The following ZDBF2 variants were observed in gnomAD, a reference collection of about 807,000 sequenced individuals.
ZDBF2 encodes the protein DBF4-type zinc finger-containing protein 2.
A neutral mutation model predicts 9.4 loss-of-function variants in ZDBF2; 6 were observed. The observed-to-expected ratio is 0.64, with a 90% CI of 0.35 to 1.27. The LOEUF (loss-of-function observed/expected upper bound fraction) is 1.27, where lower values mean the gene tolerates loss of function less well. Among genes scored for constraint, ZDBF2 ranks in the 50% most tolerant of loss-of-function variants. The pLI is 0.03. For synonymous variants in ZDBF2, 905 were observed against 946.3 expected (o/e 0.96, Z 0.80); for missense variants, 2,697 against 2,766.8 (o/e 0.97, Z 0.57).
intron 2 of ZDBF2, among the ~76,000 whole-genome samples, chr2:206,281,431 G>A (rs970045539): frequency 1.3e-5 from 2 of 152,158 alleles, no homozygotes; most frequent in African/African-American, 4.8e-5. Flanking sequence ...GAAACATGAT[G>A]GGGAAATTAA....
rs1172134275 is a variant in ZDBF2, at chr2:206,304,819, T to A, written c.291T>A (p.Val97=). The A allele has an allele frequency of 1.2e-6, 2 of 1,613,602 alleles. No individual in the cohort carries two copies. The highest frequency in any genetic ancestry group is 4.5e-5 in the East Asian group (2 of 44,870). ...SEEEEEDEDK[V]EDEDATEERP... ...AAGAGGAAGAGGATGAGGATAAGGT[T>A]GAGGATGAGGATGCTACCGAAGAGA... The change falls in exon 5 of 5, where the codon GTT becomes GTA. Residue 97 remains valine (V), a synonymous_variant. Coordinates refer to ENST00000374423, the MANE Select transcript of ZDBF2 (RefSeq NM_020923.3).
rs976123880 is a variant in ZDBF2 at position 206,313,926 on chromosome 2, A to G, written c.*2333A>G. 1 of 152,164 alleles carries G rather than the reference A, an allele frequency of 6.6e-6. No individual in the cohort carries two copies. The highest frequency in any genetic ancestry group is 2.4e-5 in the African/African-American group (1 of 41,450). The allele number at this position is 152,164 out of a possible 1,614,324, so 9.4% of individuals were successfully genotyped here. On this transcript the variant is annotated 3_prime_UTR_variant, in exon 5 of 5. Coordinates refer to ENST00000374423, the MANE Select transcript of ZDBF2 (RefSeq NM_020923.3). ...TTTTAGACAAGCTTGAAAACTTGAA[A>G]TTGTTGAAACTTATAATTTAAATTA...
At position 206,312,588 on chromosome 2, in the gene ZDBF2, T is replaced by A. The variant is rs1693248901; in HGVS notation, c.*995T>A. 6.6e-6 allele frequency: 1 copy of A among 152,036 alleles called. No individual in the cohort carries two copies. Among genetic ancestry groups the A allele is most frequent in the South Asian group, 2.1e-4 (1 of 4,810 alleles). The allele number at this position is 152,036 out of a possible 1,614,324, so 9.4% of individuals were successfully genotyped here. On this transcript the variant is annotated 3_prime_UTR_variant, in exon 5 of 5. Coordinates refer to ENST00000374423, the MANE Select transcript of ZDBF2 (RefSeq NM_020923.3). ...CGCCACCATGCCCGGCTAATTTTTG[T>A]ATTTTTAGTAGAGTTGGGGGTTTCA...
rs1692857530 is a variant in ZDBF2 at position 206,307,286 on chromosome 2, TATA to T, written c.2762_2764del (p.Asn921del). 4 of 1,608,972 alleles carry T rather than the reference TATA, an allele frequency of 2.5e-6. No homozygotes were observed. The East Asian group carries it at 8.9e-5, about 36-fold the overall frequency. ...TATTGATTCTGAAGTAAGTTTGGAT[TATA>T]ATATCATTTTTCATTCAGTGACTGG... On this transcript the variant is annotated inframe_deletion, in exon 5 of 5. Coordinates refer to ENST00000374423, the MANE Select transcript of ZDBF2 (RefSeq NM_020923.3).
At chr2:206,288,316 GTTTC>G (rs1274785566) in intron 3 of ZDBF2, among the ~76,000 whole-genome samples, 3 of 152,182 alleles carry the variant, frequency 2.0e-5, no homozygotes, top group Non-Finnish European at 4.4e-5. Flanking sequence ...TCTTCATTCA[GTTTC>G]TTCAGCTGTG....
chr2:206,278,769 C>G (rs1330923716), intron 1 of ZDBF2, among the ~76,000 whole-genome samples: 1 of 152,252 alleles, frequency 6.6e-6, no homozygotes, highest in East Asian at 1.9e-4. Context: ...CCTCGCCGCT[C>G]TAGCTAAAAC....
In ZDBF2 at chr2:206,281,155, G is replaced by A. The variant is rs544678257; in HGVS notation, c.-49-646G>A. On this transcript the variant is annotated intron_variant, in intron 2 of 4. Transcript: ENST00000374423. The stretch of plus-strand genomic sequence containing the variant: ...GAAGGATTATACTTTTAGGTGAGTG[G>A]AAACTGGAAAACTATTTATTTGTAG... Among the ~76,000 whole-genome samples the A allele has an allele frequency of 1.2e-4, 18 of 152,254 alleles. No individual in the cohort carries two copies. In the South Asian group the frequency reaches 3.1e-3, roughly 26 times the overall value.
At chr2:206,280,943 A>G (rs1000237744) in intron 2 of ZDBF2, among the ~76,000 whole-genome samples, 4 of 152,220 alleles carry the variant, frequency 2.6e-5, no homozygotes, top group Admixed American at 6.5e-5. Flanking sequence ...CAAAGCAGCA[A>G]ATAAACTGCA....
chr2:206,289,942 A>G (rs1691802777), intron 3 of ZDBF2, among the ~76,000 whole-genome samples: 1 of 151,936 alleles, frequency 6.6e-6, no homozygotes, highest in Admixed American at 6.6e-5. Context: ...TGCCATTCTG[A>G]GTTCTATGCT....
At chr2:206,288,277 T>G (rs1691700438) in intron 3 of ZDBF2, among the ~76,000 whole-genome samples, 1 of 152,228 alleles carries the variant, frequency 6.6e-6, no homozygotes. Context: ...GTGGTTACTC[T>G]GTTGCTAGAT....
chr2:206,311,756 T>G lies in ZDBF2; in HGVS notation c.*163T>G. 3 of 682,108 alleles carry G rather than the reference T, an allele frequency of 4.4e-6. No individual in the cohort carries two copies. The highest frequency in any genetic ancestry group is 6.3e-6 in the Non-Finnish European group (3 of 477,714). 42.3% of individuals were successfully genotyped at this position (682,108 alleles called of 1,614,324 possible). A position where few individuals can be genotyped will look rare whatever the true frequency, so the allele number is the denominator to read the frequency against. On this transcript the variant is annotated 3_prime_UTR_variant, in exon 5 of 5. Coordinates refer to ENST00000374423, the MANE Select transcript of ZDBF2 (RefSeq NM_020923.3). Reference sequence around the variant, plus strand: ...AATTTTTATATTCATTTAAAATTAGTGTTTAGAGTCCTTTCATTTTAAGAT... The same window carrying G: ...AATTTTTATATTCATTTAAAATTAGGGTTTAGAGTCCTTTCATTTTAAGAT...
Position 206,313,355 on chromosome 2 carries a change from A to G in ZDBF2, c.*1762A>G, listed in dbSNP as rs576237677. The G allele has an allele frequency of 6.6e-6, 1 of 152,316 alleles. No homozygotes were observed. Among genetic ancestry groups the G allele is most frequent in the East Asian group, 1.9e-4 (1 of 5,190 alleles). 9.4% of individuals were successfully genotyped at this position (152,316 alleles called of 1,614,324 possible). On this transcript the variant is annotated 3_prime_UTR_variant, in exon 5 of 5. Transcript: ENST00000374423. ...TTTTTGTCTTTAGTTGCAAAGCAGC[A>G]TATATCTCATTTCCTTCAACCTTGC...
chr2:206,281,208 A>G (rs1031452703), intron 2 of ZDBF2, among the ~76,000 whole-genome samples: 2 of 152,216 alleles, frequency 1.3e-5, no homozygotes, highest in Admixed American at 6.5e-5. Flanking sequence ...TAGGAAAAAA[A>G]TCCCTCCTAT....
chr2:206,285,193 T>A (rs1574383613), intron 3 of ZDBF2, among the ~76,000 whole-genome samples: 1 of 152,328 alleles, frequency 6.6e-6, no homozygotes, highest in East Asian at 1.9e-4. Context: ...GACCATATGG[T>A]AGTTATATTT....
chr2:206,305,460 A>G lies in ZDBF2; in HGVS notation c.932A>G (p.Asn311Ser). The G allele has an allele frequency of 6.2e-7, 1 of 1,613,212 alleles. No individual in the cohort carries two copies. Among genetic ancestry groups the G allele is most frequent in the Non-Finnish European group, 8.5e-7 (1 of 1,179,692 alleles). Residue 311 changes from asparagine to serine, a missense_variant, in exon 5 of 5, where the codon AAT becomes AGT. Around this residue, in one of 3 missense-constraint regions of ZDBF2, gnomAD observed 910 missense variants for 973.6 expected, o/e 0.93. Transcript: ENST00000374423. Reference sequence around the variant, plus strand: ...CCTTCCAAATTAGCAGTAAACCCGAATAAAACTGACATGCCTTCTAATAAA... The same window carrying G: ...CCTTCCAAATTAGCAGTAAACCCGAGTAAAACTGACATGCCTTCTAATAAA... ...KSPSKLAVNP[N>S]KTDMPSNKGI...
Position 206,306,834 on chromosome 2 carries a change from C to G in ZDBF2, c.2306C>G (p.Ala769Gly). 1 of 1,613,868 alleles carries G rather than the reference C, an allele frequency of 6.2e-7. No homozygotes were observed. The highest frequency in any genetic ancestry group is 8.5e-7 in the Non-Finnish European group (1 of 1,179,822). ...LSVTEQSHLD[A>G]EGKERHIDLE... ...GTTACTGAGCAGTCTCATCTGGATG[C>G]TGAAGGAAAAGAACGGCACATTGAC... Residue 769 changes from alanine (A) to glycine (G), a missense_variant, in exon 5 of 5, where the codon GCT becomes GGT. Physicochemically the swap from Ala to Gly is moderately conservative, Grantham distance 60. This residue lies in a region of ZDBF2 where 910 missense variants were observed against 973.6 expected (regional missense o/e 0.93). Coordinates refer to ENST00000374423, the MANE Select transcript of ZDBF2 (RefSeq NM_020923.3).
intron 3 of ZDBF2, among the ~76,000 whole-genome samples, chr2:206,283,222 G>C (rs1269891092): frequency 6.6e-6 from 1 of 152,134 alleles, no homozygotes; most frequent in Non-Finnish European, 1.5e-5. Context: ...CTTTTCTTAG[G>C]TTTACATGTA....
At chr2:206,304,030 G>A (rs1271866415) in intron 4 of ZDBF2, among the ~76,000 whole-genome samples, 1 of 152,026 alleles carries the variant, frequency 6.6e-6, no homozygotes, top group African/African-American at 2.4e-5. Context: ...ATTCTTGTAC[G>A]TGTTCATTAA....
chr2:206,299,816 A>AG (rs1281471020), intron 4 of ZDBF2, among the ~76,000 whole-genome samples: 2 of 151,668 alleles, frequency 1.3e-5, no homozygotes, highest in African/African-American at 2.4e-5. Context: ...AAAAAAAAAA[A>AG]CAAGCCCCAA....
Sources: gnomAD v4.1 joint callset for allele counts (sites outside exome capture counted in the v4.1 genomes callset) on GRCh38, gnomAD v4.1.1 for gene constraint, gnomAD v4.1.1 regional missense constraint, MANE v1.5 for transcripts, NCBI Gene and HGNC (gene_info 2026-07-23, HGNC 2026-07-21) for gene names.